ADAM19: variants seen among roughly 807,000 people sequenced by gnomAD.
ADAM19 encodes the protein ADAM metallopeptidase domain 19, also known as disintegrin and metalloproteinase domain-containing protein 19.
In ADAM19, 65 loss-of-function variants were observed where a neutral mutation model predicts 114.7. That is an observed-to-expected ratio of 0.57 (90% CI 0.46 to 0.70). The LOEUF (loss-of-function observed/expected upper bound fraction) is 0.70. Among genes scored for constraint, ADAM19 ranks in the 30% least tolerant of loss-of-function variants. ADAM19 has a pLI of 0.00. For missense variants in ADAM19, 1,063 were observed against 1,204.7 expected, an observed-to-expected ratio of 0.88 and a Z score of 1.74; for synonymous variants, 466 against 460.5, an observed-to-expected ratio of 1.01 and a Z score of -0.15.
chr5:157,485,424 A>G (rs1754901656), intron 21 of ADAM19, among the ~76,000 whole-genome samples: 1 of 152,238 alleles, frequency 6.6e-6, no homozygotes, highest in African/African-American at 2.4e-5. Flanking sequence ...TAACAGCTTC[A>G]GAAGCATCTA....
chr5:157,575,237 AAGAC>A (rs907791991), intron 1 of ADAM19, among the ~76,000 whole-genome samples: 5 of 152,188 alleles, frequency 3.3e-5, no homozygotes, highest in East Asian at 1.9e-4. Flanking sequence ...GGTAGAGAGA[AAGAC>A]AGAGAGAGAG....
Position 157,490,532 on chromosome 5 carries a change from T to G in ADAM19, c.2096-78A>C, listed in dbSNP as rs1158318302. On this transcript the variant is annotated intron_variant, in intron 18 of 22. Transcript: ENST00000257527. ...AGATTTCAAAATAGGTATTCGTGCT[T>G]CTTCTTCAGGCATTTGATTTGCATT... 3.3e-6 allele frequency: 5 copies of G among 1,505,592 alleles called. No individual in the cohort carries two copies. The African/African-American group carries it at 4.2e-5, about 13-fold the overall frequency. 93.3% of individuals were successfully genotyped at this position (1,505,592 alleles called of 1,614,324 possible).
intron 5 of ADAM19, among the ~76,000 whole-genome samples, chr5:157,526,218 AAAGGATACCTCCAACAGTAATT>A (rs1298654981): frequency 6.6e-6 from 1 of 152,036 alleles, no homozygotes; most frequent in Non-Finnish European, 1.5e-5. Flanking sequence ...GTATTTCAAT[AAAGGATACCTCCAACAGTAATT>A]AAGGATACCT....
chr5:157,569,470 G>T (rs994812521), intron 2 of ADAM19, among the ~76,000 whole-genome samples: 1 of 145,390 alleles, frequency 6.9e-6, no homozygotes, highest in African/African-American at 2.6e-5. Flanking sequence ...GGTGCCCCAG[G>T]CTGGTCTTAA....
intron 3 of ADAM19, among the ~76,000 whole-genome samples, chr5:157,543,557 A>G (rs1187170448): frequency 6.6e-6 from 1 of 152,224 alleles, no homozygotes; most frequent in Non-Finnish European, 1.5e-5. Flanking sequence ...AATTATTTGT[A>G]AAGTAGAAAG....
At chr5:157,544,685 T>C (rs1223445529) in intron 3 of ADAM19, among the ~76,000 whole-genome samples, 3 of 152,234 alleles carry the variant, frequency 2.0e-5, no homozygotes, top group Admixed American at 1.3e-4. Context: ...GTGTCCCGAA[T>C]AGCCCATTAT....
chr5:157,573,341 C>T (rs1432280476), intron 1 of ADAM19, among the ~76,000 whole-genome samples: 1 of 152,096 alleles, frequency 6.6e-6, no homozygotes, highest in Admixed American at 6.6e-5. Context: ...GGGAATGTAC[C>T]ATTGACTTTT....
chr5:157,532,514 A>C (rs1756654679), intron 4 of ADAM19, among the ~76,000 whole-genome samples: 1 of 152,202 alleles, frequency 6.6e-6, no homozygotes, highest in Non-Finnish European at 1.5e-5. Flanking sequence ...ACAACAAGAG[A>C]CACATTCCTA....
Position 157,494,007 on chromosome 5 carries a change from G to C in ADAM19, c.1703+680C>G, listed in dbSNP as rs916592362. On this transcript the variant is annotated intron_variant, in intron 15 of 22. Coordinates refer to ENST00000257527, the MANE Select transcript of ADAM19 (RefSeq NM_033274.5). ...TTGGGAAACCACTCTGACACACTAA[G>C]ATGGGTTGGATGGCTCTCTCCACAT... is the stretch of plus-strand genomic sequence containing the variant. Among the ~76,000 whole-genome samples the C allele has an allele frequency of 3.3e-5, 5 of 152,246 alleles. 1 individual carries two copies. Among genetic ancestry groups the C allele is most frequent in the Admixed American group, 2.0e-4 (3 of 15,294 alleles).
chr5:157,518,120 T>C (rs139910522), intron 7 of ADAM19, among the ~76,000 whole-genome samples: 2 of 152,248 alleles, frequency 1.3e-5, no homozygotes, highest in Non-Finnish European at 2.9e-5. Flanking sequence ...GTCGGATGAC[T>C]GGGAATATAT....
intron 15 of ADAM19, among the ~76,000 whole-genome samples, chr5:157,494,037 A>G (rs1755261658): frequency 1.3e-5 from 2 of 152,222 alleles, no homozygotes; most frequent in Admixed American, 1.3e-4. Context: ...CCACATTGCC[A>G]TTGTCATACT....
intron 19 of ADAM19, 51 bp downstream of exon 19, chr5:157,490,259 C>A (rs1162902190): frequency 8.7e-6 from 14 of 1,603,246 alleles, no homozygotes; most frequent in Admixed American, 3.3e-5. Flanking sequence ...TTTATGGAGA[C>A]CTTTGTGACC....
chr5:157,488,372 C>A lies in ADAM19; in HGVS notation c.2443G>T (p.Ala815Ser). The change falls in exon 21 of 23, where the codon GCT (alanine) becomes TCT (serine). Residue 815 changes from alanine to serine, a missense_variant. Coordinates refer to ENST00000257527, the MANE Select transcript of ADAM19 (RefSeq NM_033274.5). ...GACCCGGGCCCTGGGGAGTTCCTAGCAGCCCTGCTCAGGTGAGCTGGCAGT... is the reference window on the plus strand; with the variant it reads ...GACCCGGGCCCTGGGGAGTTCCTAGAAGCCCTGCTCAGGTGAGCTGGCAGT... ...APLPAHLSRA[A>S]RNSPGPGSQI... 2 of 1,614,208 alleles carry A rather than the reference C, an allele frequency of 1.2e-6. No individual in the cohort carries two copies. Among genetic ancestry groups the A allele is most frequent in the Non-Finnish European group, 1.7e-6 (2 of 1,180,026 alleles).
rs891959786 is a variant in ADAM19, at chr5:157,479,022, C to G, written c.*1927G>C. Reference sequence around the variant, plus strand: ...GTGAAAGGGGATGTTTTCACCTTTACTTTCCAGGAACCAAGCCTTGAGGCA... The same window carrying G: ...GTGAAAGGGGATGTTTTCACCTTTAGTTTCCAGGAACCAAGCCTTGAGGCA... On this transcript the variant is annotated 3_prime_UTR_variant, in exon 23 of 23. Transcript: ENST00000257527. 34 of 985,594 alleles carry G rather than the reference C, an allele frequency of 3.4e-5. No individual in the cohort carries two copies. Among genetic ancestry groups the G allele is most frequent in the Non-Finnish European group, 4.0e-5 (33 of 829,954 alleles). The allele number at this position is 985,594 out of a possible 1,614,324, so 61.1% of individuals were successfully genotyped here.
At chr5:157,523,789 AG>A (rs1265313547) in intron 5 of ADAM19, among the ~76,000 whole-genome samples, 1 of 152,214 alleles carries the variant, frequency 6.6e-6, no homozygotes, top group Non-Finnish European at 1.5e-5. Context: ...GCAGAGCTGC[AG>A]GCCTGAGTAA....
At chr5:157,517,767 G>T (rs916356743) in intron 7 of ADAM19, among the ~76,000 whole-genome samples, 2 of 152,210 alleles carry the variant, frequency 1.3e-5, no homozygotes, top group Non-Finnish European at 2.9e-5. Context: ...TGAAATACAT[G>T]ATGAGCCAGG....
At chr5:157,495,195 G>A (rs755523391) in intron 14 of ADAM19, among the ~76,000 whole-genome samples, 1 of 152,004 alleles carries the variant, frequency 6.6e-6, no homozygotes, top group Non-Finnish European at 1.5e-5. Flanking sequence ...TAGAAATGGG[G>A]TTTCACCATC....
At chr5:157,559,593 C>G (rs1757458088) in intron 3 of ADAM19, among the ~76,000 whole-genome samples, 1 of 152,164 alleles carries the variant, frequency 6.6e-6, no homozygotes, top group Non-Finnish European at 1.5e-5. Context: ...CCCTGGATGC[C>G]TGCAGCTAAC....
In ADAM19 at chr5:157,507,075, T is replaced by G; in HGVS notation, c.971A>C (p.Gln324Pro). ...APLMAMCSVY[Q>P]SGGVNMDHSE... ...ACTCACCATGTTGACTCCTCCAGAC[T>G]GGTACACAGAGCACATGGCCATGAG... Residue 324 changes from glutamine (Q) to proline (P), a missense_variant, in exon 10 of 23, where the codon CAG (glutamine) becomes CCG (proline). Gln to Pro is a moderately conservative substitution (Grantham distance 76, BLOSUM62 -1). Coordinates refer to ENST00000257527, the MANE Select transcript of ADAM19 (RefSeq NM_033274.5). 6.2e-7 allele frequency: 1 copy of G among 1,613,994 alleles called. No homozygotes were observed. Among genetic ancestry groups the G allele is most frequent in the East Asian group, 2.2e-5 (1 of 44,890 alleles).
Sources: allele counts gnomAD v4.1 joint callset (sites outside exome capture counted in the v4.1 genomes callset), GRCh38; gene constraint gnomAD v4.1.1; transcripts MANE v1.5; gene names NCBI Gene and HGNC (gene_info 2026-07-23, HGNC 2026-07-21).